The following CNTNAP2 variants were observed in gnomAD, a reference collection of about 807,000 sequenced individuals.
CNTNAP2 encodes contactin-associated protein-like 2.
Under a neutral mutation model 155.2 loss-of-function variants are expected in CNTNAP2, and 98 were observed. That is an observed-to-expected ratio of 0.63 (90% CI 0.54 to 0.75). CNTNAP2 has a LOEUF of 0.75. Ranked by LOEUF, CNTNAP2 falls within the 30% of genes least tolerant of loss-of-function variation. The probability of loss-of-function intolerance (pLI) is 0.00; values close to 1 mark genes in which losing one functional copy is unlikely to be tolerated. For synonymous variants in CNTNAP2, 651 were observed against 631.2 expected (o/e 1.03, Z -0.47); for missense variants, 1,727 against 1,688.1 (o/e 1.02, Z -0.40).
chr7:148,391,325 G>A (rs965921571), intron 22 of CNTNAP2, among the ~76,000 whole-genome samples: 4 of 152,196 alleles, frequency 2.6e-5, no homozygotes, highest in African/African-American at 9.6e-5. Context: ...TGGAGTTTGG[G>A]AAACACTGGG....
intron 1 of CNTNAP2, among the ~76,000 whole-genome samples, chr7:146,124,681 A>T (rs1411356022): frequency 6.6e-6 from 1 of 152,252 alleles, no homozygotes; most frequent in Non-Finnish European, 1.5e-5. Context: ...TGGACTATAA[A>T]ATATGACTAT....
In CNTNAP2 at chr7:148,271,115, T is replaced by G. The variant is rs1796771206; in HGVS notation, c.3475+3989T>G. 2.0e-5 allele frequency among the ~76,000 whole-genome samples: 3 copies of G among 152,340 alleles called. No homozygotes were observed. In the South Asian group the frequency reaches 6.2e-4, roughly 32 times the overall value. On this transcript the variant is annotated intron_variant, in intron 21 of 23. Coordinates refer to ENST00000361727, the MANE Select transcript of CNTNAP2 (RefSeq NM_014141.6). ...ATGCCTAATACATAAATAATTACCATTTTTGATGCTAGCTACATGCCGGTT... is the reference window on the plus strand; with the variant it reads ...ATGCCTAATACATAAATAATTACCAGTTTTGATGCTAGCTACATGCCGGTT...
chr7:146,865,263 T>G (rs923345262), intron 3 of CNTNAP2, among the ~76,000 whole-genome samples: 16 of 152,068 alleles, frequency 1.1e-4, no homozygotes, highest in Admixed American at 1.0e-3. Flanking sequence ...TTGTAAAATA[T>G]GTTAACTTGT....
intron 21 of CNTNAP2, among the ~76,000 whole-genome samples, chr7:148,291,354 C>T (rs1461996431): frequency 6.6e-6 from 1 of 151,576 alleles, no homozygotes; most frequent in African/African-American, 2.4e-5. Context: ...CACACGATCA[C>T]AAGGTCCCAC....
chr7:147,622,434 A>G (rs1794876520), intron 12 of CNTNAP2, among the ~76,000 whole-genome samples: 2 of 152,072 alleles, frequency 1.3e-5, no homozygotes, highest in Non-Finnish European at 2.9e-5. Context: ...AATATTAAGC[A>G]TATTCTTTGA....
At chr7:147,382,663 T>C (rs1796555323) in intron 9 of CNTNAP2, among the ~76,000 whole-genome samples, 1 of 151,940 alleles carries the variant, frequency 6.6e-6, no homozygotes, top group African/African-American at 2.4e-5. Context: ...CCATAGTTGG[T>C]AGTTGAAGCA....
chr7:146,683,749 T>C (rs1430639297), intron 1 of CNTNAP2, among the ~76,000 whole-genome samples: 1 of 152,164 alleles, frequency 6.6e-6, no homozygotes, highest in Non-Finnish European at 1.5e-5. Context: ...TATTAAGATA[T>C]TAAGCCTATC....
chr7:146,868,790 T>C (rs1795252598), intron 3 of CNTNAP2, among the ~76,000 whole-genome samples: 1 of 152,106 alleles, frequency 6.6e-6, no homozygotes, highest in Non-Finnish European at 1.5e-5. Context: ...GTGAGTGGGA[T>C]TGCCCTTCTG....
chr7:146,944,053 G>A lies in CNTNAP2; in HGVS notation c.403-99854G>A, dbSNP rs148354475. 1.9e-3 allele frequency among the ~76,000 whole-genome samples: 282 copies of A among 151,442 alleles called. 2 individuals carry two copies. The highest frequency in any genetic ancestry group is 6.2e-3 in the African/African-American group (257 of 41,230). ...GCAAATGGTACCATATATGGTCTGC[G>A]TTTCTGTGTGTAAGTTTTGATAAAT... On this transcript the variant is annotated intron_variant, in intron 3 of 23. Coordinates refer to ENST00000361727, the MANE Select transcript of CNTNAP2 (RefSeq NM_014141.6).
intron 1 of CNTNAP2, among the ~76,000 whole-genome samples, chr7:146,203,157 A>G (rs946640466): frequency 3.3e-5 from 5 of 152,202 alleles, no homozygotes; most frequent in Admixed American, 6.5e-5. Context: ...CAAGCAATCA[A>G]TTCTGCAGCA....
At position 146,291,143 on chromosome 7, in the gene CNTNAP2, T is replaced by A. The variant is rs182913093; in HGVS notation, c.97+174170T>A. 3.4e-3 allele frequency among the ~76,000 whole-genome samples: 520 copies of A among 152,190 alleles called. 5 individuals carry two copies. Among genetic ancestry groups the A allele is most frequent in the South Asian group, 5.2e-3 (25 of 4,814 alleles). On this transcript the variant is annotated intron_variant, in intron 1 of 23. Coordinates refer to ENST00000361727, the MANE Select transcript of CNTNAP2 (RefSeq NM_014141.6). ...TGTGAAATAAAAACTTGACAATAAATCCTTAAGATTTTTCTAAGAAAGAAG... is the reference window on the plus strand; with the variant it reads ...TGTGAAATAAAAACTTGACAATAAAACCTTAAGATTTTTCTAAGAAAGAAG...
intron 8 of CNTNAP2, among the ~76,000 whole-genome samples, chr7:147,164,263 C>T (rs1031647620): frequency 2.3e-4 from 35 of 151,946 alleles, no homozygotes; most frequent in African/African-American, 7.7e-4. Context: ...GTTTATAAAG[C>T]AGACCCAATA....
chr7:147,350,561 C>T (rs940167642), intron 9 of CNTNAP2, among the ~76,000 whole-genome samples: 61 of 151,738 alleles, frequency 4.0e-4, no homozygotes, highest in Non-Finnish European at 2.7e-4. Flanking sequence ...TGTCTAGTTC[C>T]CATTTTGTGT....
At chr7:147,981,257 G>A (rs575634811) in intron 15 of CNTNAP2, among the ~76,000 whole-genome samples, 2 of 152,308 alleles carry the variant, frequency 1.3e-5, no homozygotes, top group African/African-American at 4.8e-5. Context: ...TCTCATCCCT[G>A]AGCCAATTGT....
intron 4 of CNTNAP2, among the ~76,000 whole-genome samples, chr7:147,071,545 A>G (rs1036915643): frequency 1.3e-5 from 2 of 152,188 alleles, no homozygotes; most frequent in African/African-American, 4.8e-5. Flanking sequence ...CCCAGGCCCT[A>G]GTATGCTCTC....
chr7:147,981,581 T>G (rs1057215231), intron 15 of CNTNAP2, among the ~76,000 whole-genome samples: 3 of 152,218 alleles, frequency 2.0e-5, no homozygotes, highest in African/African-American at 7.2e-5. Context: ...CATCCTCTAG[T>G]CTCAGAGAAT....
At chr7:147,692,045 C>T (rs1000346809) in intron 13 of CNTNAP2, among the ~76,000 whole-genome samples, 1 of 152,104 alleles carries the variant, frequency 6.6e-6, no homozygotes, top group Non-Finnish European at 1.5e-5. Flanking sequence ...ATTCTGACAA[C>T]TATTGATCTT....
chr7:146,930,411 C>T (rs1318439245), intron 3 of CNTNAP2, among the ~76,000 whole-genome samples: 3 of 152,090 alleles, frequency 2.0e-5, no homozygotes, highest in South Asian at 4.1e-4. Flanking sequence ...CACCACCAGG[C>T]CTGCCCTAAA....
At chr7:147,417,487 A>G (rs1797214655) in intron 10 of CNTNAP2, among the ~76,000 whole-genome samples, 1 of 152,182 alleles carries the variant, frequency 6.6e-6, no homozygotes, top group Non-Finnish European at 1.5e-5. Flanking sequence ...CCCATCTCCT[A>G]ATACCATCAC....
Sources: allele counts gnomAD v4.1 joint callset (sites outside exome capture counted in the v4.1 genomes callset), GRCh38; gene constraint gnomAD v4.1.1; transcripts MANE v1.5; gene names NCBI Gene and HGNC (gene_info 2026-07-23, HGNC 2026-07-21).